The following YWHAE variants were observed in gnomAD, a reference collection of about 807,000 sequenced individuals.
YWHAE encodes the protein tyrosine 3-monooxygenase/tryptophan 5-monooxygenase activation protein epsilon, also known as 14-3-3 protein epsilon.
Under a neutral mutation model 30.1 loss-of-function variants are expected in YWHAE, and 4 were observed. The ratio of observed to expected loss-of-function variants is 0.13; its 90% CI spans 0.07 to 0.30. The LOEUF is 0.30. YWHAE is among the 10% of genes least tolerant of loss of function. YWHAE has a pLI of 1.00. For synonymous variants in YWHAE, 118 were observed against 111.8 expected (o/e 1.06, Z -0.35); for missense variants, 121 against 315.9 (o/e 0.38, Z 4.68).
In YWHAE at chr17:1,345,519, G is replaced by A. The variant is rs747709039; in HGVS notation, c.716-20C>T. 1.5e-5 allele frequency: 24 copies of A among 1,612,830 alleles called. No homozygotes were observed. Among genetic ancestry groups the A allele is most frequent in the Non-Finnish European group, 1.9e-5 (22 of 1,179,682 alleles). On this transcript the variant is annotated intron_variant, in intron 5 of 5. Coordinates refer to ENST00000264335, the MANE Select transcript of YWHAE (RefSeq NM_006761.5). The stretch of plus-strand genomic sequence containing the variant: ...CTTCACCTGTTAAAAAAGAAAAAAA[G>A]TCAATTATTTCGTATTGACTACATT...
intron 1 of YWHAE, among the ~76,000 whole-genome samples, chr17:1,382,882 A>G (rs2073237174): frequency 6.6e-6 from 1 of 151,420 alleles, no homozygotes; most frequent in Admixed American, 6.6e-5. Context: ...AAAATTATCC[A>G]GGTGTGTTGG....
Position 1,370,345 on chromosome 17 carries a change from A to C in YWHAE, c.65-5287T>G, listed in dbSNP as rs557369940. Reference sequence around the variant, plus strand: ...GCGGGGTTTCACCATGTTAGCCAGGACGGTCTCGATCTCCTGACCTTGTGA... The same window carrying C: ...GCGGGGTTTCACCATGTTAGCCAGGCCGGTCTCGATCTCCTGACCTTGTGA... On this transcript the variant is annotated intron_variant, in intron 1 of 5. Coordinates refer to ENST00000264335, the MANE Select transcript of YWHAE (RefSeq NM_006761.5). Among the ~76,000 whole-genome samples, 871 of 151,156 alleles carry C rather than the reference A, an allele frequency of 5.8e-3. 6 individuals carry two copies. Among genetic ancestry groups the C allele is most frequent in the African/African-American group, 0.02 (815 of 41,182 alleles).
chr17:1,355,094 C>T (rs1293657543), intron 4 of YWHAE, among the ~76,000 whole-genome samples: 1 of 93,410 alleles, frequency 1.1e-5, no homozygotes, highest in Admixed American at 1.5e-4. Flanking sequence ...AAACGGTACA[C>T]ACTACCACCC....
rs2072868351 is a variant in YWHAE at position 1,361,754 on chromosome 17, CA to C, written c.371+147del. 10 of 562,226 alleles carry C rather than the reference CA, an allele frequency of 1.8e-5. No individual in the cohort carries two copies. In the East Asian group the frequency reaches 3.1e-4, roughly 17 times the overall value. 34.8% of individuals were successfully genotyped at this position (562,226 alleles called of 1,614,324 possible). On this transcript the variant is annotated intron_variant, in intron 3 of 5. Transcript: ENST00000264335. ...AAGCTAATACATTTTCATAATAGCCCAACCACCTTTTCATTACAATATTAAC... is the reference window on the plus strand; with the variant it reads ...AAGCTAATACATTTTCATAATAGCCCACCACCTTTTCATTACAATATTAAC...
At chr17:1,385,813 A>T (rs1273453966) in intron 1 of YWHAE, among the ~76,000 whole-genome samples, 1 of 152,150 alleles carries the variant, frequency 6.6e-6, no homozygotes, top group Non-Finnish European at 1.5e-5. Context: ...CTGAGCCAAA[A>T]GACTGCTATA....
rs1443540059 is a variant in YWHAE, at chr17:1,357,185, C to CCT, written c.579-2839_579-2838insAG. ...TTGGGAGGCCGAGGCGGGTGGATCACGAGGTCAGGAGATCGAGACCATCCT... is the reference window on the plus strand; with the variant it reads ...TTGGGAGGCCGAGGCGGGTGGATCACCTGAGGTCAGGAGATCGAGACCATCCT... On this transcript the variant is annotated intron_variant, in intron 4 of 5. Coordinates refer to ENST00000264335, the MANE Select transcript of YWHAE (RefSeq NM_006761.5). Among the ~76,000 whole-genome samples, 35 of 151,954 alleles carry CCT rather than the reference C, an allele frequency of 2.3e-4. 1 individual carries two copies. Among genetic ancestry groups the CCT allele is most frequent in the African/African-American group, 8.4e-4 (35 of 41,474 alleles).
intron 1 of YWHAE, among the ~76,000 whole-genome samples, chr17:1,391,343 T>C (rs191979023): frequency 6.6e-6 from 1 of 152,216 alleles, no homozygotes; most frequent in Admixed American, 6.5e-5. Context: ...ATCTCTGTGA[T>C]AAAAAGCTGG....
intron 1 of YWHAE, among the ~76,000 whole-genome samples, chr17:1,385,483 T>C (rs2073286310): frequency 1.3e-5 from 2 of 152,144 alleles, no homozygotes; most frequent in African/African-American, 4.8e-5. Flanking sequence ...AAAGCTCTAG[T>C]CCCAAATATC....
intron 1 of YWHAE, chr17:1,399,778 G>A: frequency 1.5e-5 from 1 of 67,816 alleles, no homozygotes; most frequent in Non-Finnish European, 3.0e-5. Context: ...CCTCCCCCCA[G>A]CCGCCATTTT....
intron 1 of YWHAE, among the ~76,000 whole-genome samples, chr17:1,381,573 AG>A (rs1021893720): frequency 1.1e-4 from 16 of 152,158 alleles, no homozygotes; most frequent in South Asian, 2.1e-4. Flanking sequence ...ATGCATGTAA[AG>A]GGGGGAGGGG....
At chr17:1,381,227 A>C (rs1270884063) in intron 1 of YWHAE, among the ~76,000 whole-genome samples, 1 of 152,034 alleles carries the variant, frequency 6.6e-6, no homozygotes, top group Non-Finnish European at 1.5e-5. Context: ...AAAATACAAA[A>C]ATTAGTCCGG....
chr17:1,346,244 C>T (rs1211935348), intron 5 of YWHAE, among the ~76,000 whole-genome samples: 1 of 152,142 alleles, frequency 6.6e-6, no homozygotes, highest in African/African-American at 2.4e-5. Context: ...GGGTCATCTA[C>T]CTATTAGTAT....
chr17:1,367,452 G>C (rs1250192882), intron 1 of YWHAE, among the ~76,000 whole-genome samples: 2 of 152,150 alleles, frequency 1.3e-5, no homozygotes, highest in Non-Finnish European at 2.9e-5. Context: ...AAATTAGCTG[G>C]GTGTGGTGGT....
intron 4 of YWHAE, among the ~76,000 whole-genome samples, chr17:1,359,161 A>C (rs1215523634): frequency 1.3e-5 from 2 of 151,878 alleles, no homozygotes; most frequent in Non-Finnish European, 2.9e-5. Flanking sequence ...GAAAAAAAAA[A>C]GGAAAAGAAA....
At chr17:1,382,046 GTTT>G (rs765360634) in intron 1 of YWHAE, among the ~76,000 whole-genome samples, 1 of 151,198 alleles carries the variant, frequency 6.6e-6, no homozygotes, top group African/African-American at 2.4e-5. Context: ...ATAAGTAGTA[GTTT>G]TTTTGTTTGT....
intron 5 of YWHAE, among the ~76,000 whole-genome samples, chr17:1,353,355 G>GT (rs539089503): frequency 1.4e-5 from 2 of 146,176 alleles, no homozygotes; most frequent in South Asian, 4.3e-4. Context: ...GGAGAATGGT[G>GT]TAAACCCAGG....
intron 4 of YWHAE, among the ~76,000 whole-genome samples, chr17:1,355,890 C>T (rs12936902): frequency 0.092 from 14,043 of 151,962 alleles, 897 homozygotes; most frequent in Non-Finnish European, 0.14. Context: ...AAAATTAGGC[C>T]GGGTGCAGTG....
At chr17:1,359,914 A>G (rs1435296685) in intron 4 of YWHAE, among the ~76,000 whole-genome samples, 2 of 25,364 alleles carry the variant, frequency 7.9e-5, no homozygotes, top group Admixed American at 5.6e-4. Flanking sequence ...AGAGAGGGAG[A>G]CGGGGAGGGG....
intron 1 of YWHAE, among the ~76,000 whole-genome samples, chr17:1,387,901 C>A (rs968349147): frequency 1.4e-5 from 2 of 142,514 alleles, no homozygotes; most frequent in Admixed American, 7.2e-5. Flanking sequence ...GCTGGGATTA[C>A]AGGAGTGAGC....
Sources: allele counts gnomAD v4.1 joint callset (sites outside exome capture counted in the v4.1 genomes callset), GRCh38; gene constraint gnomAD v4.1.1; transcripts MANE v1.5; gene names NCBI Gene and HGNC (gene_info 2026-07-23, HGNC 2026-07-21).